ADAM12: variants seen among roughly 807,000 people sequenced by gnomAD.
ADAM12 encodes the protein ADAM metallopeptidase domain 12, also known as disintegrin and metalloproteinase domain-containing protein 12.
Under a neutral mutation model 106.4 loss-of-function variants are expected in ADAM12, and 70 were observed. That is an observed-to-expected ratio of 0.66 (90% CI 0.54 to 0.80). ADAM12 has a LOEUF of 0.80. Ranked by LOEUF, ADAM12 falls within the 30% of genes least tolerant of loss-of-function variation. The probability of loss-of-function intolerance (pLI) is 0.00; values close to 1 mark genes in which losing one functional copy is unlikely to be tolerated. For missense variants in ADAM12, 1,010 were observed against 1,171.9 expected, an observed-to-expected ratio of 0.86 and a Z score of 2.02; for synonymous variants, 420 against 433.5, an observed-to-expected ratio of 0.97 and a Z score of 0.39.
At position 126,174,492 on chromosome 10, in the gene ADAM12, G is replaced by A. The variant is rs145561655; in HGVS notation, c.261-19187C>T. On this transcript the variant is annotated intron_variant, in intron 3 of 22. Transcript: ENST00000448723. ...GGGCCGGGGCTTGCATTAGGGTGTC[G>A]TGTCCATTTTCCCTATATTTTTATT... is the stretch of plus-strand genomic sequence containing the variant. Among the ~76,000 whole-genome samples, 24 of 152,104 alleles carry A rather than the reference G, an allele frequency of 1.6e-4. No homozygotes were observed. The East Asian group carries it at 4.3e-3, about 27-fold the overall frequency.
intron 2 of ADAM12, among the ~76,000 whole-genome samples, chr10:126,279,446 C>A (rs1327061561): frequency 1.7e-5 from 2 of 120,208 alleles, no homozygotes; most frequent in Admixed American, 9.8e-5. Flanking sequence ...AAAAAGAAAA[C>A]AAGCCTGTAA....
intron 2 of ADAM12, among the ~76,000 whole-genome samples, chr10:126,325,042 G>T (rs1854245758): frequency 6.6e-6 from 1 of 152,066 alleles, no homozygotes; most frequent in South Asian, 2.1e-4. Flanking sequence ...TCACCAGCGG[G>T]ACCCTTCATC....
intron 3 of ADAM12, among the ~76,000 whole-genome samples, chr10:126,173,158 T>C (rs1258491105): frequency 6.6e-6 from 1 of 152,068 alleles, no homozygotes; most frequent in Non-Finnish European, 1.5e-5. Flanking sequence ...CTAATGTAGA[T>C]GATGAGTTGA....
chr10:126,139,819 G>A (rs1476769634), intron 4 of ADAM12, among the ~76,000 whole-genome samples: 4 of 152,164 alleles, frequency 2.6e-5, no homozygotes, highest in African/African-American at 9.7e-5. Context: ...CATCTGGGAG[G>A]GCAAACCTCG....
intron 5 of ADAM12, among the ~76,000 whole-genome samples, chr10:126,127,876 G>A (rs115054070): frequency 0.02 from 3,024 of 152,256 alleles, 107 homozygotes; most frequent in African/African-American, 0.069. Context: ...GGGAGGGCAG[G>A]GAGTAGTGTG....
At chr10:126,041,888 C>G in intron 18 of ADAM12, 1 of 1,394,740 alleles carries the variant, frequency 7.2e-7, no homozygotes, top group South Asian at 1.6e-5. Context: ...AGGAGCAGCA[C>G]TGAAGCATGT....
At chr10:126,336,868 G>A (rs199672868) in intron 1 of ADAM12, among the ~76,000 whole-genome samples, 31 of 152,150 alleles carry the variant, frequency 2.0e-4, no homozygotes, top group Non-Finnish European at 3.1e-4. Flanking sequence ...GTCAGAAGAC[G>A]CATCCTGCAT....
intron 5 of ADAM12, among the ~76,000 whole-genome samples, chr10:126,134,903 C>T (rs771063883): frequency 5.3e-5 from 8 of 151,202 alleles, no homozygotes; most frequent in Admixed American, 2.6e-4. Context: ...TTCACAAATT[C>T]GATAAGCAAA....
chr10:126,023,127 G>A (rs1371101619), intron 21 of ADAM12, among the ~76,000 whole-genome samples: 6 of 152,206 alleles, frequency 3.9e-5, no homozygotes, highest in South Asian at 4.1e-4. Context: ...GATCCCTGAC[G>A]AGCTCATGCA....
At chr10:126,281,717 C>T (rs575907109) in intron 2 of ADAM12, among the ~76,000 whole-genome samples, 12 of 152,256 alleles carry the variant, frequency 7.9e-5, no homozygotes, top group East Asian at 3.9e-4. Context: ...CGGTAAAATA[C>T]GGCATTCCTT....
At chr10:126,166,530 G>A (rs993636847) in intron 3 of ADAM12, among the ~76,000 whole-genome samples, 4 of 152,076 alleles carry the variant, frequency 2.6e-5, no homozygotes, top group African/African-American at 7.2e-5. Context: ...ACGGAGTCTC[G>A]TTTTATCACC....
chr10:126,317,958 G>A (rs1048055479), intron 2 of ADAM12, among the ~76,000 whole-genome samples: 1 of 152,050 alleles, frequency 6.6e-6, no homozygotes, highest in Non-Finnish European at 1.5e-5. Flanking sequence ...CTTGAGATCT[G>A]TTTCTTTTAT....
chr10:126,227,717 T>A (rs1445651535), intron 3 of ADAM12, among the ~76,000 whole-genome samples: 1 of 151,988 alleles, frequency 6.6e-6, no homozygotes, highest in African/African-American at 2.4e-5. Flanking sequence ...TTGGAGAGAG[T>A]ACCCCCATCA....
At chr10:126,143,933 G>A (rs984665259) in intron 4 of ADAM12, among the ~76,000 whole-genome samples, 1 of 152,166 alleles carries the variant, frequency 6.6e-6, no homozygotes, top group African/African-American at 2.4e-5. Flanking sequence ...TGACTTTGCA[G>A]CTCTGTGTGT....
intron 3 of ADAM12, among the ~76,000 whole-genome samples, chr10:126,162,329 G>A (rs145870084): frequency 5.0e-4 from 76 of 152,278 alleles, no homozygotes; most frequent in African/African-American, 1.8e-3. Flanking sequence ...GCATTCCAGC[G>A]AGAGGGGACT....
chr10:126,131,104 CTTTTT>C lies in ADAM12; in HGVS notation c.416+4475_416+4479del, dbSNP rs71029289. Reference sequence around the variant, plus strand: ...AGTGTCCCTGGCTCTCAGCTGTCTTCTTTTTTTTTTTTTTTTTTTTTTTTTTTTTG... The same window carrying C: ...AGTGTCCCTGGCTCTCAGCTGTCTTCTTTTTTTTTTTTTTTTTTTTTTTTG... On this transcript the variant is annotated intron_variant, in intron 5 of 22. Transcript: ENST00000448723. Among the ~76,000 whole-genome samples the C allele has an allele frequency of 3.7e-3, 374 of 100,846 alleles. 1 individual carries two copies. In the East Asian group the frequency reaches 0.087, roughly 24 times the overall value. 66.2% of individuals were successfully genotyped at this position (100,846 alleles called of 152,430 possible).
intron 3 of ADAM12, among the ~76,000 whole-genome samples, chr10:126,265,672 C>G (rs1054236479): frequency 6.6e-6 from 1 of 152,170 alleles, no homozygotes; most frequent in Non-Finnish European, 1.5e-5. Context: ...ACAGGCTAGA[C>G]AGCACCAAGA....
rs1023300971 is a variant in ADAM12 at position 126,043,907 on chromosome 10, C to T, written c.1996-759G>A. ...GCGGGAAAGGGAGACCAAGAAAGCC[C>T]GAGGAGGCTGTGCTTCACCCTTGTT... is the stretch of plus-strand genomic sequence containing the variant. On this transcript the variant is annotated intron_variant, in intron 17 of 22. Coordinates refer to ENST00000448723, the MANE Select transcript of ADAM12 (RefSeq NM_001288973.2). This position sits in a 1 kb window ranked among gnomAD's most constrained non-coding sequence, Gnocchi z 4.1. Among the ~76,000 whole-genome samples the T allele has an allele frequency of 3.3e-5, 5 of 152,092 alleles. No homozygotes were observed. Among genetic ancestry groups the T allele is most frequent in the Admixed American group, 6.5e-5 (1 of 15,270 alleles).
At chr10:126,355,926 G>C (rs1855522322) in intron 1 of ADAM12, among the ~76,000 whole-genome samples, 1 of 152,184 alleles carries the variant, frequency 6.6e-6, no homozygotes, top group Non-Finnish European at 1.5e-5. Context: ...AGTTGTGCCT[G>C]GCTTGAATCC....
Sources: gnomAD v4.1 joint callset for allele counts (sites outside exome capture counted in the v4.1 genomes callset) on GRCh38, gnomAD v4.1.1 for gene constraint, Gnocchi (gnomAD v3.1) non-coding constraint, MANE v1.5 for transcripts, NCBI Gene and HGNC (gene_info 2026-07-23, HGNC 2026-07-21) for gene names.